The following SHCBP1 variants were observed in gnomAD, a reference collection of about 807,000 sequenced individuals.
SHCBP1 encodes SHC binding and spindle associated 1.
Under a neutral mutation model 75.1 loss-of-function variants are expected in SHCBP1, and 60 were observed. The observed-to-expected ratio is 0.80, with a 90% CI of 0.65 to 0.99. SHCBP1 has a LOEUF of 0.99. Ranked by LOEUF, SHCBP1 falls within the 50% of genes least tolerant of loss-of-function variation. SHCBP1 has a pLI of 0.00. For synonymous variants in SHCBP1, 290 were observed against 293.2 expected, an observed-to-expected ratio of 0.99 and a Z score of 0.11; for missense variants, 709 against 809.4, an observed-to-expected ratio of 0.88 and a Z score of 1.50.
At chr16:46,607,592 AC>A (rs2143001031) in intron 5 of SHCBP1, among the ~76,000 whole-genome samples, 1 of 152,192 alleles carries the variant, frequency 6.6e-6, no homozygotes, top group Admixed American at 6.5e-5. Context: ...ATCATCTTTC[AC>A]CCAGGGAAAA....
At chr16:46,584,776 G>A (rs1328126730) in intron 10 of SHCBP1, among the ~76,000 whole-genome samples, 1 of 152,094 alleles carries the variant, frequency 6.6e-6, no homozygotes, top group South Asian at 2.1e-4. Flanking sequence ...AGGCACTCTG[G>A]AAAACAAAAA....
intron 4 of SHCBP1, among the ~76,000 whole-genome samples, chr16:46,610,544 A>ATTTTTTTTTTTT (rs60140518): frequency 0.016 from 499 of 31,092 alleles, 186 homozygotes; most frequent in Middle Eastern, 0.062. Context: ...CATGGGGTCA[A>ATTTTTTTTTTTT]TTTTTTTTTT....
intron 1 of SHCBP1, among the ~76,000 whole-genome samples, chr16:46,619,729 T>A (rs941989525): frequency 6.6e-6 from 1 of 152,204 alleles, no homozygotes; most frequent in Non-Finnish European, 1.5e-5. Flanking sequence ...AGAAGTTATA[T>A]ACATTTAAAG....
chr16:46,617,571 TAA>T, intron 3 of SHCBP1, 61 bp downstream of exon 3: 1 of 1,255,814 alleles, frequency 8.0e-7, no homozygotes, highest in Non-Finnish European at 1.1e-6. Context: ...ACTTTGGATA[TAA>T]CAGTCTGAAG....
rs1965507294 is a variant in SHCBP1 at position 46,616,837 on chromosome 16, G to A, written c.388-683C>T. ...GGGGGGGCACTTATCATAACCAAATGAATAGGCCTGAACTTCAACCAAAAA... is the reference window on the plus strand; with the variant it reads ...GGGGGGGCACTTATCATAACCAAATAAATAGGCCTGAACTTCAACCAAAAA... On this transcript the variant is annotated intron_variant, in intron 3 of 12. Transcript: ENST00000303383. This position sits in a 1 kb window ranked among gnomAD's most constrained non-coding sequence, Gnocchi z 4.4. Among the ~76,000 whole-genome samples the A allele has an allele frequency of 6.6e-6, 1 of 152,102 alleles. No individual in the cohort carries two copies. Among genetic ancestry groups the A allele is most frequent in the African/African-American group, 2.4e-5 (1 of 41,406 alleles).
intron 9 of SHCBP1, among the ~76,000 whole-genome samples, chr16:46,596,094 A>G (rs1161224837): frequency 6.6e-6 from 1 of 152,228 alleles, no homozygotes; most frequent in African/African-American, 2.4e-5. Context: ...GGAAAGTTTT[A>G]AAAGAAAAAA....
intron 4 of SHCBP1, among the ~76,000 whole-genome samples, chr16:46,610,543 A>ATTTTTTTTTTTTTTTTT (rs1567452466): frequency 1.5e-4 from 2 of 13,582 alleles, no homozygotes; most frequent in Non-Finnish European, 4.7e-4. Context: ...CCATGGGGTC[A>ATTTTTTTTTTTTTTTTT]ATTTTTTTTT....
At chr16:46,596,789 G>A (rs866969081) in intron 9 of SHCBP1, among the ~76,000 whole-genome samples, 2 of 150,968 alleles carry the variant, frequency 1.3e-5, no homozygotes, top group South Asian at 2.1e-4. Flanking sequence ...GTGCAGTGGT[G>A]CGATCTTGGC....
At chr16:46,615,566 C>G (rs572142324) in intron 4 of SHCBP1, among the ~76,000 whole-genome samples, 46 of 152,168 alleles carry the variant, frequency 3.0e-4, no homozygotes, top group Non-Finnish European at 5.7e-4. Flanking sequence ...ATAGTGAAAC[C>G]TCATCTCTAC....
At chr16:46,606,093 C>T (rs1029226649) in intron 5 of SHCBP1, among the ~76,000 whole-genome samples, 2 of 152,146 alleles carry the variant, frequency 1.3e-5, no homozygotes, top group African/African-American at 2.4e-5. Context: ...CTTAGCACTT[C>T]CAGTATCCAT....
intron 5 of SHCBP1, among the ~76,000 whole-genome samples, chr16:46,606,007 TA>T (rs1001160265): frequency 4.6e-4 from 69 of 151,630 alleles, no homozygotes; most frequent in African/African-American, 1.5e-3. Context: ...ATTTTAAAAA[TA>T]AAAAAAAGAA....
At chr16:46,582,823 G>A (rs898228598) in intron 12 of SHCBP1, among the ~76,000 whole-genome samples, 7 of 152,196 alleles carry the variant, frequency 4.6e-5, no homozygotes, top group African/African-American at 1.7e-4. Context: ...AGATCCTGAA[G>A]GATGACAAGG....
intron 4 of SHCBP1, among the ~76,000 whole-genome samples, chr16:46,609,863 G>C (rs1306051310): frequency 6.6e-6 from 1 of 151,878 alleles, no homozygotes; most frequent in East Asian, 1.9e-4. Context: ...GTATCATGAG[G>C]CAGCTTCAAC....
At position 46,579,697 on chromosome 16, in the gene SHCBP1, G is replaced by A. The variant is rs1158994745; in HGVS notation, c.*2032C>T. Among the ~76,000 whole-genome samples, 1 of 152,104 alleles carries A rather than the reference G, an allele frequency of 6.6e-6. No individual in the cohort carries two copies. The highest frequency in any genetic ancestry group is 2.4e-5 in the African/African-American group (1 of 41,430). Reference sequence around the variant, plus strand: ...TGCCTGTAATCCCAGCACTTTGGGAGGCCAAGGTGGGTGGATCACTTGAGG... The same window carrying A: ...TGCCTGTAATCCCAGCACTTTGGGAAGCCAAGGTGGGTGGATCACTTGAGG... On this transcript the variant is annotated 3_prime_UTR_variant, in exon 13 of 13. Transcript: ENST00000303383.
chr16:46,605,964 G>GGA (rs1965320441), intron 5 of SHCBP1, among the ~76,000 whole-genome samples: 1 of 148,520 alleles, frequency 6.7e-6, no homozygotes, highest in African/African-American at 2.5e-5. Flanking sequence ...GAACAGCTGT[G>GGA]AAAAAAAAAG....
At chr16:46,600,319 T>G (rs1389126920) in intron 8 of SHCBP1, among the ~76,000 whole-genome samples, 2 of 152,012 alleles carry the variant, frequency 1.3e-5, no homozygotes, top group African/African-American at 4.8e-5. Flanking sequence ...CCAAAAAAAT[T>G]AGTCAGGCAT....
At chr16:46,596,161 T>G (rs1344494810) in intron 9 of SHCBP1, among the ~76,000 whole-genome samples, 2 of 152,084 alleles carry the variant, frequency 1.3e-5, no homozygotes, top group African/African-American at 4.8e-5. Context: ...AATAGGCTAT[T>G]TTTTACTGAA....
At chr16:46,608,644 C>G (rs1285901537) in intron 4 of SHCBP1, among the ~76,000 whole-genome samples, 2 of 135,000 alleles carry the variant, frequency 1.5e-5, no homozygotes, top group Non-Finnish European at 3.1e-5. Flanking sequence ...CACTCTGTCT[C>G]TGGGGCTGGA....
At chr16:46,600,303 C>A (rs1241097740) in intron 8 of SHCBP1, among the ~76,000 whole-genome samples, 1 of 152,056 alleles carries the variant, frequency 6.6e-6, no homozygotes, top group Non-Finnish European at 1.5e-5. Flanking sequence ...TCCATCTCTA[C>A]AAAAACCAAA....
Sources: gnomAD v4.1 joint callset for allele counts (sites outside exome capture counted in the v4.1 genomes callset) on GRCh38, gnomAD v4.1.1 for gene constraint, Gnocchi (gnomAD v3.1) non-coding constraint, MANE v1.5 for transcripts, NCBI Gene and HGNC (gene_info 2026-07-23, HGNC 2026-07-21) for gene names.